OAF: variants seen among roughly 807,000 people sequenced by gnomAD.
OAF encodes the protein out at first protein homolog.
OAF carries 13 observed loss-of-function variants against 22.5 expected under a neutral mutation model. The ratio of observed to expected loss-of-function variants is 0.58; its 90% confidence interval spans 0.38 to 0.92. OAF has a LOEUF of 0.92. Ranked by LOEUF, OAF falls within the 40% of genes least tolerant of loss-of-function variation. The pLI is 0.00. For synonymous variants in OAF, 175 were observed against 170.5 expected (o/e 1.03, Z -0.21); for missense variants, 347 against 381.8 (o/e 0.91, Z 0.76).
In OAF at chr11:120,211,159, C is replaced by A; in HGVS notation, c.-121C>A. On this transcript the variant is annotated 5_prime_UTR_variant, in exon 1 of 4. Coordinates refer to ENST00000328965, the MANE Select transcript of OAF (RefSeq NM_178507.4). Reference sequence around the variant, plus strand: ...CTCGCGGGCGACCCCGCGGCCAAGGCCCCCGGCGGAGCGGCTCCCGGGCGC... The same window carrying A: ...CTCGCGGGCGACCCCGCGGCCAAGGACCCCGGCGGAGCGGCTCCCGGGCGC... The A allele has an allele frequency of 2.5e-6, 1 of 407,544 alleles. No individual in the cohort carries two copies. Among genetic ancestry groups the A allele is most frequent in the Non-Finnish European group, 3.7e-6 (1 of 268,332 alleles). 25.2% of individuals were successfully genotyped at this position (407,544 alleles called of 1,614,324 possible).
chr11:120,218,446 G>C (rs1312117644), intron 1 of OAF, among the ~76,000 whole-genome samples: 5 of 152,216 alleles, frequency 3.3e-5, no homozygotes, highest in African/African-American at 1.2e-4. Flanking sequence ...TGGCTCTGCA[G>C]GCTAAACCCC....
Position 120,226,846 on chromosome 11 carries a change from G to T in OAF, c.397G>T (p.Glu133Ter). ...KNPRAVRQAE[E>*]VRGLEHLHMD... ...TCCCCGGGCAGTGCGGCAGGCGGAG[G>T]AGGTTCGGGGTCTGGAGCATCTGCA... Residue 133 changes from glutamate (E) to a stop codon, truncating the protein, a stop_gained, in exon 3 of 4, where the codon GAG becomes TAG. Transcript: ENST00000328965. LOFTEE classifies it high-confidence loss of function. 1 of 1,606,084 alleles carries T rather than the reference G, an allele frequency of 6.2e-7. No homozygotes were observed. Among genetic ancestry groups the T allele is most frequent in the Non-Finnish European group, 8.5e-7 (1 of 1,174,110 alleles).
At chr11:120,213,111 C>T (rs562295688) in intron 1 of OAF, among the ~76,000 whole-genome samples, 2 of 152,164 alleles carry the variant, frequency 1.3e-5, no homozygotes, top group Admixed American at 1.3e-4. Flanking sequence ...TAGAATCCTG[C>T]AGAGAGACTT....
rs372377539 is a variant in OAF, at chr11:120,223,059, G to GGC, written c.232-2601_232-2600dup. Among the ~76,000 whole-genome samples, 289 of 152,366 alleles carry GGC rather than the reference G, an allele frequency of 1.9e-3. 1 individual carries two copies. Among genetic ancestry groups the GGC allele is most frequent in the African/African-American group, 6.4e-3 (267 of 41,582 alleles). ...ACGAGCCAGAGCCGCCACATTCGAAGGCAGGTGTGCTGACTTAAGGCAGGC... is the reference window on the plus strand; with the variant it reads ...ACGAGCCAGAGCCGCCACATTCGAAGGCGCAGGTGTGCTGACTTAAGGCAGGC... On this transcript the variant is annotated intron_variant, in intron 1 of 3. Transcript: ENST00000328965.
intron 1 of OAF, among the ~76,000 whole-genome samples, chr11:120,216,252 A>G (rs1008895242): frequency 6.6e-6 from 1 of 152,176 alleles, no homozygotes; most frequent in African/African-American, 2.4e-5. Context: ...TGGAATGTGC[A>G]ATGTCCACGT....
rs769597846 is a variant in OAF, at chr11:120,228,927, C to T, written c.607C>T (p.Arg203Cys). 6.2e-6 allele frequency: 10 copies of T among 1,609,806 alleles called. No homozygotes were observed. Among genetic ancestry groups the T allele is most frequent in the African/African-American group, 1.3e-5 (1 of 74,804 alleles). Residue 203 changes from arginine to cysteine, a missense_variant, in exon 4 of 4, where the codon CGC becomes TGC. Arg to Cys is a radical substitution (Grantham distance 180, BLOSUM62 -3). Transcript: ENST00000328965. ...GGCCTCAGAGCAGGCGGAGCTGCCT[C>T]GCTGCAGGCAGGTGGGGGACCACGG... ...PKASEQAELPRCRQVGDHGKP... is the reference protein window; with the variant it reads ...PKASEQAELPCCRQVGDHGKP...
At position 120,222,680 on chromosome 11, in the gene OAF, G is replaced by A. The variant is rs545253769; in HGVS notation, c.232-2981G>A. 9.9e-5 allele frequency among the ~76,000 whole-genome samples: 15 copies of A among 152,276 alleles called. 1 individual carries two copies. The South Asian group carries it at 3.1e-3, about 32-fold the overall frequency. On this transcript the variant is annotated intron_variant, in intron 1 of 3. Coordinates refer to ENST00000328965, the MANE Select transcript of OAF (RefSeq NM_178507.4). ...TGTAATCCCAACACTTTGGGAGGCC[G>A]AGGCAGGCAGATCACAAGCTTAGGA...
chr11:120,219,224 G>A (rs1172435283), intron 1 of OAF, among the ~76,000 whole-genome samples: 3 of 152,094 alleles, frequency 2.0e-5, no homozygotes, highest in African/African-American at 7.2e-5. Context: ...GCACCCCTGT[G>A]GAGGGAATGG....
chr11:120,220,286 T>C (rs556358125), intron 1 of OAF, among the ~76,000 whole-genome samples: 3 of 152,302 alleles, frequency 2.0e-5, no homozygotes, highest in South Asian at 4.1e-4. Context: ...GTTCAGACCC[T>C]GCGTCCTGCT....
rs565166595 is a variant in OAF at position 120,225,018 on chromosome 11, C to T, written c.232-643C>T. On this transcript the variant is annotated intron_variant, in intron 1 of 3. Coordinates refer to ENST00000328965, the MANE Select transcript of OAF (RefSeq NM_178507.4). ...CCTTGGACTGCGGCAATGCCATTAG[C>T]GACCCCATGGGGGAAAGGGGAAGTG... Among the ~76,000 whole-genome samples the T allele has an allele frequency of 8.5e-5, 13 of 152,226 alleles. No individual in the cohort carries two copies. The East Asian group carries it at 2.3e-3, about 27-fold the overall frequency.
In OAF at chr11:120,216,303, C is replaced by T. The variant is rs570496953; in HGVS notation, c.231+4793C>T. 2.6e-5 allele frequency among the ~76,000 whole-genome samples: 4 copies of T among 152,176 alleles called. No homozygotes were observed. In the South Asian group the frequency reaches 6.2e-4, roughly 24 times the overall value. The stretch of plus-strand genomic sequence containing the variant: ...TGTATCCCAAGGAGATATCACAGCA[C>T]ATAGATGTGGGACCGAGAAGCTTTC... On this transcript the variant is annotated intron_variant, in intron 1 of 3. Transcript: ENST00000328965.
At position 120,229,307 on chromosome 11, in the gene OAF, G is replaced by A. The variant is rs552913485; in HGVS notation, c.*165G>A. 557 of 663,302 alleles carry A rather than the reference G, an allele frequency of 8.4e-4. 1 individual carries two copies. Among genetic ancestry groups the A allele is most frequent in the African/African-American group, 6.5e-3 (358 of 55,094 alleles). The allele number at this position is 663,302 out of a possible 1,614,324, so 41.1% of individuals were successfully genotyped here. A position where few individuals can be genotyped will look rare whatever the true frequency, so the allele number is the denominator to read the frequency against. On this transcript the variant is annotated 3_prime_UTR_variant, in exon 4 of 4. Transcript: ENST00000328965. ...CATCTCACATGACTGTGAAGGGGGTGTGGCATGGCAGGGGGTCTCATGAAG... is the reference window on the plus strand; with the variant it reads ...CATCTCACATGACTGTGAAGGGGGTATGGCATGGCAGGGGGTCTCATGAAG...
In OAF at chr11:120,211,223, G is replaced by T; in HGVS notation, c.-57G>T. 1 of 1,131,646 alleles carries T rather than the reference G, an allele frequency of 8.8e-7. No homozygotes were observed. Among genetic ancestry groups the T allele is most frequent in the Non-Finnish European group, 1.1e-6 (1 of 916,564 alleles). The allele number at this position is 1,131,646 out of a possible 1,614,324, so 70.1% of individuals were successfully genotyped here. On this transcript the variant is annotated 5_prime_UTR_variant, in exon 1 of 4. Coordinates refer to ENST00000328965, the MANE Select transcript of OAF (RefSeq NM_178507.4). Reference sequence around the variant, plus strand: ...CCAACTTTGGGCGAAGTTTGCCTGCGCCTCTCCCCGCCCCCACGCGGCGCG... The same window carrying T: ...CCAACTTTGGGCGAAGTTTGCCTGCTCCTCTCCCCGCCCCCACGCGGCGCG...
At chr11:120,224,689 G>A (rs935369277) in intron 1 of OAF, among the ~76,000 whole-genome samples, 2 of 152,182 alleles carry the variant, frequency 1.3e-5, no homozygotes, top group Admixed American at 6.5e-5. Context: ...CAGAGCCATA[G>A]GGGTTCCCAG....
chr11:120,228,821 T>TACCAGA, intron 3 of OAF, 47 bp from the exon 4 acceptor site: 5 of 520,274 alleles, frequency 9.6e-6, no homozygotes, highest in East Asian at 3.4e-5. Context: ...GGGAGCTCCT[T>TACCAGA]CCCTCCCTCC....
intron 2 of OAF, 86 bp from the exon 3 acceptor site, chr11:120,226,730 G>T: frequency 7.8e-7 from 1 of 1,289,936 alleles, no homozygotes; most frequent in Non-Finnish European, 1.1e-6. Context: ...CAGTCAGCTT[G>T]GGCTCGCCTG....
At chr11:120,226,042 C>G (rs1228391271) in intron 2 of OAF, among the ~76,000 whole-genome samples, 3 of 152,162 alleles carry the variant, frequency 2.0e-5, no homozygotes, top group Non-Finnish European at 4.4e-5. Context: ...GTCCTGAGCC[C>G]CTGATTTTGC....
In OAF at chr11:120,228,850, C is replaced by T; in HGVS notation, c.548-18C>T. On this transcript the variant is annotated intron_variant, in intron 3 of 3. Transcript: ENST00000328965. ...TCCCTCCCTCCCTCCCTCCCTGATC[C>T]TTGCCTCTCTCCCCCAGGTGTGGAC... 2 of 590,074 alleles carry T rather than the reference C, an allele frequency of 3.4e-6. No individual in the cohort carries two copies. Among genetic ancestry groups the T allele is most frequent in the South Asian group, 1.5e-5 (1 of 68,492 alleles). The allele number at this position is 590,074 out of a possible 1,614,324, so 36.6% of individuals were successfully genotyped here.
chr11:120,226,936 G>C lies in OAF; in HGVS notation c.487G>C (p.Ala163Pro), dbSNP rs1024562348. The change falls in exon 3 of 4, where the codon GCC (alanine) becomes CCC (proline). Residue 163 changes from alanine (A) to proline (P), a missense_variant. Physicochemically the swap from Ala to Pro is conservative, Grantham distance 27. Coordinates refer to ENST00000328965, the MANE Select transcript of OAF (RefSeq NM_178507.4). ...LLSPHLHNVCAEAVDAIYTRQ... is the reference protein window; with the variant it reads ...LLSPHLHNVCPEAVDAIYTRQ... ...GAGCCCCCATCTCCACAACGTGTGT[G>C]CCGAGGCCGTGGATGCCATCTACAC... The C allele has an allele frequency of 2.8e-5, 45 of 1,611,628 alleles. No homozygotes were observed. Among genetic ancestry groups the C allele is most frequent in the Non-Finnish European group, 3.7e-5 (44 of 1,178,004 alleles).
Sources: gnomAD v4.1 joint callset for allele counts (sites outside exome capture counted in the v4.1 genomes callset) on GRCh38, gnomAD v4.1.1 for gene constraint, MANE v1.5 for transcripts, NCBI Gene and HGNC (gene_info 2026-07-23, HGNC 2026-07-21) for gene names.